NR2C1: variants seen among roughly 807,000 people sequenced by gnomAD.
NR2C1 encodes the protein nuclear receptor subfamily 2 group C member 1.
Under a neutral mutation model 74.8 loss-of-function variants are expected in NR2C1, and 33 were observed. The observed-to-expected ratio is 0.44, with a 90% CI of 0.33 to 0.59. NR2C1 has a LOEUF of 0.59. Ranked by LOEUF, NR2C1 falls within the 20% of genes least tolerant of loss-of-function variation. The pLI is 0.02. For missense variants in NR2C1, 568 were observed against 715.6 expected (o/e 0.79, Z 2.35); for synonymous variants, 225 against 240.6 (o/e 0.94, Z 0.60).
At position 95,054,501 on chromosome 12, in the gene NR2C1, G is replaced by A. The variant is rs116229572; in HGVS notation, c.784-2558C>T. ...TTTTTATTTTTAGAGACAGAGTCTC[G>A]CTATGTTTCCCAGGTTGGTCTCAAA... is the stretch of plus-strand genomic sequence containing the variant. On this transcript the variant is annotated intron_variant, in intron 7 of 13. Transcript: ENST00000333003. Among the ~76,000 whole-genome samples the A allele has an allele frequency of 6.5e-3, 982 of 151,912 alleles. 12 individuals are homozygous for A. Among genetic ancestry groups the A allele is most frequent in the African/African-American group, 0.022 (927 of 41,420 alleles).
intron 9 of NR2C1, among the ~76,000 whole-genome samples, chr12:95,043,075 G>C (rs1429470607): frequency 6.6e-6 from 1 of 151,884 alleles, no homozygotes; most frequent in Non-Finnish European, 1.5e-5. Flanking sequence ...ACCAACCTGG[G>C]AAACACAGTA....
chr12:95,069,084 C>A (rs992705155), intron 1 of NR2C1, among the ~76,000 whole-genome samples: 1 of 152,198 alleles, frequency 6.6e-6, no homozygotes, highest in Non-Finnish European at 1.5e-5. Flanking sequence ...GGAAGGGAGA[C>A]TTATTTTTCA....
chr12:95,057,374 G>A (rs1050285137), intron 7 of NR2C1, among the ~76,000 whole-genome samples, 179 bp downstream of exon 7: 1 of 151,420 alleles, frequency 6.6e-6, no homozygotes, highest in Non-Finnish European at 1.5e-5. Context: ...CAAAGTGCTG[G>A]GATTACAGAT....
At chr12:95,072,291 CA>C (rs745723630) in intron 1 of NR2C1, among the ~76,000 whole-genome samples, 8 of 125,448 alleles carry the variant, frequency 6.4e-5, no homozygotes, top group Non-Finnish European at 1.1e-4. Flanking sequence ...AAAACAAAAA[CA>C]AAAACAAAAA....
chr12:95,031,669 C>G (rs1364977926), intron 10 of NR2C1, among the ~76,000 whole-genome samples, 181 bp from the exon 11 acceptor site: 1 of 152,176 alleles, frequency 6.6e-6, no homozygotes. Flanking sequence ...AATGCTTAGG[C>G]ATTTAAATAG....
chr12:95,049,323 C>G (rs956308426), intron 8 of NR2C1, 90 bp from the exon 9 acceptor site: 74 of 1,364,718 alleles, frequency 5.4e-5, no homozygotes, highest in Middle Eastern at 1.9e-4. Flanking sequence ...AGATTTAAGC[C>G]TAAAAAACTG....
chr12:95,026,708 CAGAA>C (rs972203263), intron 12 of NR2C1: 12 of 152,124 alleles, frequency 7.9e-5, no homozygotes, highest in Non-Finnish European at 1.3e-4. Context: ...GTATTACTGA[CAGAA>C]AGAAGCAGGT....
At chr12:95,033,777 A>G (rs777202295) in intron 10 of NR2C1, among the ~76,000 whole-genome samples, 3 of 152,240 alleles carry the variant, frequency 2.0e-5, no homozygotes, top group South Asian at 2.1e-4. Context: ...TCAGAGACCA[A>G]TGCAGTACAT....
In NR2C1 at chr12:95,021,299, A is replaced by T. The variant is rs546765158; in HGVS notation, c.*930T>A. The stretch of plus-strand genomic sequence containing the variant: ...GCAATCTGCCTGCCTCAGCCTCCCA[A>T]AGTGCTGGGATTATAGGCATGAGCC... On this transcript the variant is annotated 3_prime_UTR_variant, in exon 14 of 14. Coordinates refer to ENST00000333003, the MANE Select transcript of NR2C1 (RefSeq NM_003297.4). 6.6e-6 allele frequency: 1 copy of T among 151,836 alleles called. No individual in the cohort carries two copies. Among genetic ancestry groups the T allele is most frequent in the South Asian group, 2.1e-4 (1 of 4,796 alleles). 9.4% of individuals were successfully genotyped at this position (151,836 alleles called of 1,614,324 possible).
intron 5 of NR2C1, 160 bp downstream of exon 5, chr12:95,058,150 T>G (rs2136178726): frequency 3.0e-6 from 2 of 670,702 alleles, no homozygotes; most frequent in East Asian, 5.6e-5. Context: ...ATTAGTTGAA[T>G]AAATAAAAAA....
intron 9 of NR2C1, among the ~76,000 whole-genome samples, chr12:95,043,915 A>G (rs1231338633): frequency 1.3e-5 from 2 of 152,152 alleles, no homozygotes; most frequent in Non-Finnish European, 2.9e-5. Context: ...TTATAAAGAG[A>G]GAAAATGTTT....
chr12:95,060,031 G>A lies in NR2C1; in HGVS notation c.286-47C>T, dbSNP rs200319340. 71 of 1,379,000 alleles carry A rather than the reference G, an allele frequency of 5.1e-5. No individual in the cohort carries two copies. In the East Asian group the frequency reaches 1.5e-3, roughly 28 times the overall value. The allele number at this position is 1,379,000 out of a possible 1,614,324, so 85.4% of individuals were successfully genotyped here. A position where few individuals can be genotyped will look rare whatever the true frequency, so the allele number is the denominator to read the frequency against. On this transcript the variant is annotated intron_variant, in intron 3 of 13. Coordinates refer to ENST00000333003, the MANE Select transcript of NR2C1 (RefSeq NM_003297.4). ...AAGAAAACAAAAACGAAAACCTGTT[G>A]TTACTCAACAGCACTCATTCTATTA...
intron 8 of NR2C1, 41 bp from the exon 9 acceptor site, chr12:95,049,274 C>T (rs375402403): frequency 1.7e-5 from 27 of 1,563,816 alleles, no homozygotes; most frequent in Admixed American, 3.7e-5. Flanking sequence ...GACCAAACAC[C>T]GCAATAAAAT....
At chr12:95,052,653 G>T (rs1304354407) in intron 7 of NR2C1, among the ~76,000 whole-genome samples, 1 of 151,856 alleles carries the variant, frequency 6.6e-6, no homozygotes, top group Non-Finnish European at 1.5e-5. Flanking sequence ...GGGTCTTGCT[G>T]TGTTGCCCAG....
intron 1 of NR2C1, among the ~76,000 whole-genome samples, chr12:95,068,343 G>A (rs758012722): frequency 2.6e-5 from 4 of 152,116 alleles, no homozygotes; most frequent in Non-Finnish European, 5.9e-5. Context: ...TCAATTCTGA[G>A]GTACTGGTGG....
At chr12:95,045,339 T>C (rs1872178474) in intron 9 of NR2C1, among the ~76,000 whole-genome samples, 1 of 152,150 alleles carries the variant, frequency 6.6e-6, no homozygotes, top group South Asian at 2.1e-4. Context: ...CTTAATTTCA[T>C]AACATATGGG....
intron 7 of NR2C1, among the ~76,000 whole-genome samples, chr12:95,056,958 C>CA (rs746993156): frequency 0.08 from 5,841 of 72,938 alleles, 164 homozygotes; most frequent in Middle Eastern, 0.21. Flanking sequence ...GACTCCATCT[C>CA]AAAAAAAAAA....
chr12:95,025,736 G>T (rs980897494), intron 12 of NR2C1, among the ~76,000 whole-genome samples: 7 of 144,464 alleles, frequency 4.8e-5, no homozygotes, highest in South Asian at 2.2e-4. Context: ...TATATACCAA[G>T]CACTATATTT....
intron 9 of NR2C1, among the ~76,000 whole-genome samples, chr12:95,044,223 T>C (rs1555207351): frequency 6.6e-6 from 1 of 152,142 alleles, no homozygotes; most frequent in Non-Finnish European, 1.5e-5. Flanking sequence ...TACAATTATC[T>C]TTCTAGCAGT....
Sources: allele counts gnomAD v4.1 joint callset (sites outside exome capture counted in the v4.1 genomes callset), GRCh38; gene constraint gnomAD v4.1.1; transcripts MANE v1.5; gene names NCBI Gene and HGNC (gene_info 2026-07-23, HGNC 2026-07-21).